Variants in MTUS2 observed in about 807,000 individuals in gnomAD.
MTUS2 encodes microtubule associated scaffold protein 2, also known as microtubule-associated tumor suppressor candidate 2.
A neutral mutation model predicts 114.1 loss-of-function variants in MTUS2; 40 were observed. That is an observed-to-expected ratio of 0.35 (90% CI 0.27 to 0.46). The LOEUF is 0.46. MTUS2 is among the 20% of genes least tolerant of loss of function. The pLI is 1.00. For missense variants in MTUS2, 1,679 were observed against 1,705.4 expected, an observed-to-expected ratio of 0.98 and a Z score of 0.27; for synonymous variants, 688 against 672.0, an observed-to-expected ratio of 1.02 and a Z score of -0.37.
At position 29,025,729 on chromosome 13, in the gene MTUS2, AG is replaced by A. The variant is rs1173293508; in HGVS notation, c.1034del (p.Gly345GlufsTer20). On this transcript the variant is annotated frameshift_variant, in exon 3 of 16. Transcript: ENST00000612955. LOFTEE classifies it high-confidence loss of function. ...AAGGAAGAGAATCTGTCAGCCTTGG[AG>A]GGAAGGGATCCATGTGGGGAAGCAC... ...CHKEENLSAL[E>X]GRDPCGEAHP... 6.2e-7 allele frequency: 1 copy of A among 1,613,994 alleles called. No individual in the cohort carries two copies. Among genetic ancestry groups the A allele is most frequent in the Admixed American group, 1.7e-5 (1 of 60,024 alleles).
chr13:29,047,313 C>G (rs763054619), intron 4 of MTUS2, among the ~76,000 whole-genome samples: 11 of 152,094 alleles, frequency 7.2e-5, no homozygotes, highest in Non-Finnish European at 1.3e-4. Flanking sequence ...CATCAGAGCT[C>G]TCAGTCTTCT....
chr13:29,462,631 GACAGGA>G (rs964766860), intron 9 of MTUS2, among the ~76,000 whole-genome samples: 1 of 152,124 alleles, frequency 6.6e-6, no homozygotes, highest in Non-Finnish European at 1.5e-5. Flanking sequence ...TTGAGGCAGG[GACAGGA>G]GACCTGCGTT....
intron 2 of MTUS2, among the ~76,000 whole-genome samples, chr13:28,993,021 T>C (rs1192765465): frequency 6.6e-6 from 1 of 152,220 alleles, no homozygotes; most frequent in Non-Finnish European, 1.5e-5. Context: ...TCTTTTTCTC[T>C]TAGCAACATG....
intron 2 of MTUS2, among the ~76,000 whole-genome samples, chr13:28,858,725 G>A (rs7321099): frequency 0.014 from 2,136 of 152,308 alleles, 52 homozygotes; most frequent in African/African-American, 0.049. Flanking sequence ...AGACTGTTGT[G>A]TGGAGAGGGG....
chr13:29,436,084 A>G (rs1877384934), intron 8 of MTUS2, among the ~76,000 whole-genome samples: 1 of 152,234 alleles, frequency 6.6e-6, no homozygotes, highest in Non-Finnish European at 1.5e-5. Flanking sequence ...GAATGCAGCC[A>G]GGGCATTCTT....
chr13:29,472,017 A>G (rs1020554129), intron 9 of MTUS2, among the ~76,000 whole-genome samples: 2 of 152,104 alleles, frequency 1.3e-5, no homozygotes, highest in Non-Finnish European at 2.9e-5. Flanking sequence ...CTCTTGGTCC[A>G]TGAACTTTCT....
Position 29,052,216 on chromosome 13 carries a change from T to G in MTUS2, c.2446+18091T>G, listed in dbSNP as rs113063018. On this transcript the variant is annotated intron_variant, in intron 4 of 15. Transcript: ENST00000612955. ...ATCAAAACAGGCCTGGCACAGTGGC[T>G]CACGCCTGTAATCCCAGCACTTTGG... Among the ~76,000 whole-genome samples, 231 of 152,284 alleles carry G rather than the reference T, an allele frequency of 1.5e-3. 1 individual carries two copies. Among genetic ancestry groups the G allele is most frequent in the African/African-American group, 5.2e-3 (217 of 41,568 alleles).
intron 8 of MTUS2, among the ~76,000 whole-genome samples, chr13:29,390,634 A>G (rs1169832842): frequency 6.7e-6 from 1 of 149,638 alleles, no homozygotes; most frequent in Non-Finnish European, 1.5e-5. Flanking sequence ...CCTGGGTGAC[A>G]GGGCGAGACT....
intron 2 of MTUS2, among the ~76,000 whole-genome samples, chr13:28,960,550 A>T (rs1883281150): frequency 6.6e-6 from 1 of 152,252 alleles, no homozygotes; most frequent in South Asian, 2.1e-4. Flanking sequence ...TTCATACTAT[A>T]ACATGGATGG....
chr13:28,936,195 C>T (rs972719256), intron 2 of MTUS2, among the ~76,000 whole-genome samples: 6 of 152,244 alleles, frequency 3.9e-5, no homozygotes, highest in South Asian at 2.1e-4. Context: ...GTGATGTTAG[C>T]GGGAAAGCAG....
rs541276278 is a variant in MTUS2, at chr13:29,480,304, G to A, written c.3339G>A (p.Ala1113=). ...AGCTGCAATTCGAGGCGGAAATGGC[G>A]CGCCTGCAGGAGGAGCACGGTGACC... ...RLQLQFEAEM[A]RLQEEHGDQL... is the part of the protein sequence containing the mutation. The change falls in exon 10 of 16, where the codon GCG becomes GCA. Residue 1113 remains alanine, a synonymous_variant. Transcript: ENST00000612955. The surrounding 1 kb of genome is among the most constrained non-coding windows in gnomAD (Gnocchi z 4.4). 1.7e-5 allele frequency: 27 copies of A among 1,556,212 alleles called. No homozygotes were observed. In the East Asian group the frequency reaches 1.9e-4, roughly 11 times the overall value.
chr13:29,442,576 G>A (rs958598464), intron 9 of MTUS2, among the ~76,000 whole-genome samples: 9 of 152,048 alleles, frequency 5.9e-5, no homozygotes, highest in Non-Finnish European at 1.0e-4. Context: ...TCATGAAAGG[G>A]GATGAAGTGT....
intron 4 of MTUS2, among the ~76,000 whole-genome samples, chr13:29,095,659 T>C (rs1400080027): frequency 6.6e-6 from 1 of 152,146 alleles, no homozygotes; most frequent in Non-Finnish European, 1.5e-5. Context: ...CTTATTTTTC[T>C]TCATTTCTTT....
chr13:28,855,458 C>T (rs921231072), intron 2 of MTUS2, among the ~76,000 whole-genome samples: 8 of 152,178 alleles, frequency 5.3e-5, no homozygotes, highest in African/African-American at 2.4e-5. Context: ...CAGCGTGTGT[C>T]GTTCCCCTCC....
At chr13:28,848,769 C>T (rs147149926) in intron 2 of MTUS2, among the ~76,000 whole-genome samples, 91 of 152,238 alleles carry the variant, frequency 6.0e-4, no homozygotes, top group African/African-American at 1.9e-3. Context: ...TCGATGTCAA[C>T]CTACAAGGAT....
chr13:29,059,394 G>T (rs891081206), intron 4 of MTUS2, among the ~76,000 whole-genome samples: 1 of 152,070 alleles, frequency 6.6e-6, no homozygotes, highest in Non-Finnish European at 1.5e-5. Context: ...GGTCCACAAG[G>T]CTCCCTGATG....
intron 2 of MTUS2, among the ~76,000 whole-genome samples, chr13:28,924,957 G>A (rs1881249166): frequency 1.3e-5 from 2 of 151,700 alleles, no homozygotes; most frequent in Admixed American, 1.3e-4. Context: ...CATCAAATTC[G>A]TCTTGTCAGG....
At chr13:29,391,646 T>A (rs868721011) in intron 8 of MTUS2, among the ~76,000 whole-genome samples, 5,877 of 151,784 alleles carry the variant, frequency 0.039, 402 homozygotes, top group African/African-American at 0.13. Context: ...TTAAAATGTT[T>A]TTTTTTTTCA....
chr13:28,945,375 G>A (rs777334917), intron 2 of MTUS2, among the ~76,000 whole-genome samples: 10 of 152,048 alleles, frequency 6.6e-5, no homozygotes, highest in Non-Finnish European at 1.2e-4. Context: ...CCAGTAGGTA[G>A]TTCTATTTTT....
Sources: allele counts gnomAD v4.1 joint callset (sites outside exome capture counted in the v4.1 genomes callset), GRCh38; gene constraint gnomAD v4.1.1; non-coding constraint Gnocchi (gnomAD v3.1); transcripts MANE v1.5; gene names NCBI Gene and HGNC (gene_info 2026-07-23, HGNC 2026-07-21).